PRUNE2: variants seen among roughly 807,000 people sequenced by gnomAD.
PRUNE2 encodes the protein protein prune homolog 2.
In PRUNE2, 164 loss-of-function variants were observed where a neutral mutation model predicts 252.0. The observed-to-expected ratio is 0.65, with a 90% CI of 0.57 to 0.74. The LOEUF is 0.74. PRUNE2 is among the 30% of genes least tolerant of loss of function. PRUNE2 has a pLI of 0.00. For missense variants in PRUNE2, 3,495 were observed against 3,711.0 expected (o/e 0.94, Z 1.51); for synonymous variants, 1,292 against 1,350.2 (o/e 0.96, Z 0.94).
Position 76,644,854 on chromosome 9 carries a change from C to G in PRUNE2, c.8613G>C (p.Thr2871=). 2 of 1,613,840 alleles carry G rather than the reference C, an allele frequency of 1.2e-6. No individual in the cohort carries two copies. Among genetic ancestry groups the G allele is most frequent in the South Asian group, 2.2e-5 (2 of 91,070 alleles). ...GQESESIPEY[T]AEEEREDNRL... is the part of the protein sequence containing the mutation. Reference sequence around the variant, plus strand: ...GGTTGTCCTCCCGTTCCTCTTCGGCCGTATATTCTGGAATAGACTCTGACT... The same window carrying G: ...GGTTGTCCTCCCGTTCCTCTTCGGCGGTATATTCTGGAATAGACTCTGACT... The change falls in exon 12 of 19, where the codon ACG becomes ACC. Residue 2871 remains threonine (T), a synonymous_variant. Transcript: ENST00000376718.
chr9:76,703,397 G>A lies in PRUNE2; in HGVS notation c.8216C>T (p.Thr2739Met), dbSNP rs114619409. ...GAACTCTGTCTCCTCCTCCATTTCC[G>A]TGTCAGGGATCATGTTTTTCTGAAC... Reference protein sequence around the residue: ...QPVQKNMIPDTEMEEETEFLE... With the variant: ...QPVQKNMIPDMEMEEETEFLE... The change falls in exon 9 of 19, where the codon ACG (threonine) becomes ATG (methionine). Residue 2739 changes from threonine (T) to methionine (M), a missense_variant. Coordinates refer to ENST00000376718, the MANE Select transcript of PRUNE2 (RefSeq NM_015225.3). 2.7e-3 allele frequency: 4,408 copies of A among 1,612,732 alleles called. 72 individuals carry two copies. The African/African-American group carries it at 0.044, about 16-fold the overall frequency.
rs529145525 is a variant in PRUNE2, at chr9:76,845,132, T to A, written c.508+1383A>T. ...AATTAACAAAAGGGTCTGCATTCCT[T>A]CTAATTCCCTAAATCTGAATATCAT... is the stretch of plus-strand genomic sequence containing the variant. On this transcript the variant is annotated intron_variant, in intron 4 of 18. Transcript: ENST00000376718. Among the ~76,000 whole-genome samples the A allele has an allele frequency of 1.4e-3, 211 of 152,194 alleles. 1 individual carries two copies. The highest frequency in any genetic ancestry group is 4.8e-3 in the African/African-American group (199 of 41,540).
At chr9:76,636,973 A>AG (rs1564400434) in intron 14 of PRUNE2, among the ~76,000 whole-genome samples, 40 of 145,506 alleles carry the variant, frequency 2.7e-4, no homozygotes, top group African/African-American at 1.0e-3. Flanking sequence ...AACAACAAAA[A>AG]TGTGTGTGTG....
At chr9:76,776,364 C>T (rs73460271) in intron 6 of PRUNE2, among the ~76,000 whole-genome samples, 2,291 of 152,188 alleles carry the variant, frequency 0.015, 72 homozygotes, top group African/African-American at 0.05. Context: ...GTTTAGCCCC[C>T]ACTTACAAGT....
chr9:76,768,506 T>C (rs1207720825), intron 6 of PRUNE2, among the ~76,000 whole-genome samples: 1 of 152,046 alleles, frequency 6.6e-6, no homozygotes, highest in Admixed American at 6.6e-5. Context: ...TTTCAACAAC[T>C]ATCAAGTCTG....
At chr9:76,742,511 G>A (rs1340002887) in intron 6 of PRUNE2, among the ~76,000 whole-genome samples, 1 of 152,040 alleles carries the variant, frequency 6.6e-6, no homozygotes, top group Non-Finnish European at 1.5e-5. Context: ...CAAGCTACTT[G>A]GGAGGCTGAG....
chr9:76,649,749 A>G (rs140209275), intron 11 of PRUNE2, among the ~76,000 whole-genome samples: 1 of 152,302 alleles, frequency 6.6e-6, no homozygotes, highest in East Asian at 1.9e-4. Flanking sequence ...TTCCATGGAC[A>G]CAACTATTAA....
In PRUNE2 at chr9:76,801,012, T is replaced by A. The variant is rs995630645; in HGVS notation, c.756+22620A>T. Among the ~76,000 whole-genome samples the A allele has an allele frequency of 2.0e-5, 3 of 152,182 alleles. No individual in the cohort carries two copies. The East Asian group carries it at 5.8e-4, about 29-fold the overall frequency. Reference sequence around the variant, plus strand: ...TTAGAGAAGCCTAACTAAGCAGTGTTTTCCTTACCAGTCAAACGCAAAGGT... The same window carrying A: ...TTAGAGAAGCCTAACTAAGCAGTGTATTCCTTACCAGTCAAACGCAAAGGT... On this transcript the variant is annotated intron_variant, in intron 6 of 18. Coordinates refer to ENST00000376718, the MANE Select transcript of PRUNE2 (RefSeq NM_015225.3).
intron 1 of PRUNE2, among the ~76,000 whole-genome samples, chr9:76,867,576 T>C (rs995269387): frequency 1.3e-5 from 2 of 152,266 alleles, no homozygotes; most frequent in East Asian, 1.9e-4. Context: ...TTTGTTGTTG[T>C]TGTTGTTGTT....
intron 6 of PRUNE2, among the ~76,000 whole-genome samples, chr9:76,736,110 C>T (rs1428454697): frequency 1.3e-5 from 2 of 150,174 alleles, no homozygotes; most frequent in African/African-American, 2.5e-5. Context: ...ATTTTTCAGC[C>T]TTAGAGATTA....
chr9:76,693,423 G>C lies in PRUNE2; in HGVS notation c.8276+9914C>G, dbSNP rs142946924. 7.4e-3 allele frequency among the ~76,000 whole-genome samples: 1,050 copies of C among 141,508 alleles called. 10 individuals are homozygous for C. Among genetic ancestry groups the C allele is most frequent in the Non-Finnish European group, 9.8e-3 (649 of 66,538 alleles). The allele number at this position is 141,508 out of a possible 152,430, so 92.8% of individuals were successfully genotyped here. ...TGACCACCAGGGTAGGTGCTTAAGA[G>C]ATGTTAGCACCTACTCTTTTTTTTT... On this transcript the variant is annotated intron_variant, in intron 9 of 18. Coordinates refer to ENST00000376718, the MANE Select transcript of PRUNE2 (RefSeq NM_015225.3).
rs1564172130 is a variant in PRUNE2, at chr9:76,731,322, ATATT to A, written c.757-17605_757-17602del. Among the ~76,000 whole-genome samples the A allele has an allele frequency of 5.2e-3, 523 of 101,396 alleles. 2 individuals carry two copies. The highest frequency in any genetic ancestry group is 0.02 in the African/African-American group (474 of 23,528). 66.5% of individuals were successfully genotyped at this position (101,396 alleles called of 152,430 possible). On this transcript the variant is annotated intron_variant, in intron 6 of 18. Coordinates refer to ENST00000376718, the MANE Select transcript of PRUNE2 (RefSeq NM_015225.3). The stretch of plus-strand genomic sequence containing the variant: ...TCTATCTATCTATCTATATATATAT[ATATT>A]TTTTTTTTTTTTTTGAGACAGGGTA...
chr9:76,886,188 T>TAA (rs755268467), intron 1 of PRUNE2, among the ~76,000 whole-genome samples: 1 of 126,814 alleles, frequency 7.9e-6, no homozygotes, highest in Non-Finnish European at 1.7e-5. Context: ...CCGTCTAAAT[T>TAA]AAAAAAAAAA....
At chr9:76,691,856 G>A (rs191638614) in intron 9 of PRUNE2, 7 of 556,752 alleles carry the variant, frequency 1.3e-5, no homozygotes, top group African/African-American at 1.1e-4. Context: ...ACAGCATAAC[G>A]ACCACAAGCT....
intron 1 of PRUNE2, among the ~76,000 whole-genome samples, chr9:76,879,533 TAAAC>T (rs1419891890): frequency 6.6e-6 from 1 of 151,758 alleles, no homozygotes; most frequent in African/African-American, 2.4e-5. Flanking sequence ...AACAAGGAAA[TAAAC>T]TAAATAAATG....
At chr9:76,659,079 G>A (rs1046325291) in intron 9 of PRUNE2, among the ~76,000 whole-genome samples, 4 of 152,212 alleles carry the variant, frequency 2.6e-5, no homozygotes, top group African/African-American at 4.8e-5. Context: ...GGAGGGGCTC[G>A]GCCAGGCTGT....
chr9:76,815,367 T>C (rs981030734), intron 6 of PRUNE2, among the ~76,000 whole-genome samples: 1 of 152,176 alleles, frequency 6.6e-6, no homozygotes, highest in African/African-American at 2.4e-5. Context: ...TTTCTTATAG[T>C]TCTAGAGGCT....
At chr9:76,879,937 G>A (rs1165082836) in intron 1 of PRUNE2, among the ~76,000 whole-genome samples, 3 of 77,306 alleles carry the variant, frequency 3.9e-5, no homozygotes, top group South Asian at 4.3e-4. Context: ...TTTTTGAGAC[G>A]GAGTCTCACT....
intron 1 of PRUNE2, among the ~76,000 whole-genome samples, chr9:76,888,905 T>C (rs1197269759): frequency 6.6e-6 from 1 of 152,076 alleles, no homozygotes; most frequent in Non-Finnish European, 1.5e-5. Flanking sequence ...TGCAGTGGCA[T>C]GATCTCCACT....
Sources: gnomAD v4.1 joint callset for allele counts (sites outside exome capture counted in the v4.1 genomes callset) on GRCh38, gnomAD v4.1.1 for gene constraint, MANE v1.5 for transcripts, NCBI Gene and HGNC (gene_info 2026-07-23, HGNC 2026-07-21) for gene names.